Variants in FTO observed in about 807,000 individuals in gnomAD.
FTO encodes alpha-ketoglutarate-dependent dioxygenase FTO.
FTO carries 47 observed loss-of-function variants against 63.9 expected under a neutral mutation model. That is an observed-to-expected ratio of 0.74 (90% CI 0.58 to 0.94). The LOEUF (loss-of-function observed/expected upper bound fraction) is 0.94, where lower values mean the gene tolerates loss of function less well. FTO is among the 40% of genes least tolerant of loss of function. The pLI is 0.00. For synonymous variants in FTO, 207 were observed against 224.4 expected (o/e 0.92, Z 0.69); for missense variants, 562 against 618.1 (o/e 0.91, Z 0.96).
intron 6 of FTO, chr16:53,887,979 GGTGTTTT>G (rs2081045294): frequency 6.6e-6 from 1 of 151,818 alleles, no homozygotes; most frequent in African/African-American, 2.4e-5. Flanking sequence ...AATATATATT[GGTGTTTT>G]GCTTGTAATA....
At chr16:53,781,223 TA>T (rs1219645089) in intron 1 of FTO, among the ~76,000 whole-genome samples, 1 of 152,244 alleles carries the variant, frequency 6.6e-6, no homozygotes, top group African/African-American at 2.4e-5. Flanking sequence ...ACGCAGCTAC[TA>T]AATGCTAGTA....
chr16:53,762,349 G>A (rs991370246), intron 1 of FTO, among the ~76,000 whole-genome samples: 1 of 151,572 alleles, frequency 6.6e-6, no homozygotes, highest in Non-Finnish European at 1.5e-5. Flanking sequence ...CACATATTCT[G>A]TAGTTATGCA....
chr16:53,990,326 T>C (rs150458108), intron 8 of FTO, among the ~76,000 whole-genome samples: 195 of 152,302 alleles, frequency 1.3e-3, no homozygotes, highest in African/African-American at 4.5e-3. Context: ...TTTATCCCCA[T>C]TTTATAGATG....
intron 1 of FTO, among the ~76,000 whole-genome samples, chr16:53,783,636 A>G (rs1350951304): frequency 2.0e-5 from 3 of 147,954 alleles, no homozygotes; most frequent in African/African-American, 7.5e-5. Context: ...AAGTAAAAGA[A>G]AATTAGCCGG....
In FTO at chr16:53,858,660, C is replaced by CT. The variant is rs996931664; in HGVS notation, c.895+14371dup. On this transcript the variant is annotated intron_variant, in intron 4 of 8. Transcript: ENST00000471389. ...ATTGATTTTTGCTTTGCTTTCTTTT[C>CT]TTTTTTTTTCCTTTTTGTGAGACGG... Among the ~76,000 whole-genome samples, 10 of 151,054 alleles carry CT rather than the reference C, an allele frequency of 6.6e-5. No individual in the cohort carries two copies. The East Asian group carries it at 7.8e-4, about 12-fold the overall frequency.
At chr16:53,896,550 T>C (rs535005659) in intron 7 of FTO, among the ~76,000 whole-genome samples, 1 of 152,266 alleles carries the variant, frequency 6.6e-6, no homozygotes, top group African/African-American at 2.4e-5. Context: ...AGAATCTTTT[T>C]CCCCCAAGTT....
chr16:53,784,900 G>GA (rs927213157), intron 1 of FTO, among the ~76,000 whole-genome samples: 16 of 152,070 alleles, frequency 1.1e-4, no homozygotes, highest in Non-Finnish European at 2.1e-4. Flanking sequence ...GTGTATGTGG[G>GA]AGTGCAGAGT....
At chr16:54,107,490 T>C (rs1459574378) in intron 8 of FTO, among the ~76,000 whole-genome samples, 2 of 152,206 alleles carry the variant, frequency 1.3e-5, no homozygotes, top group Non-Finnish European at 2.9e-5. Flanking sequence ...TTGTCCCAAA[T>C]AGAAATACTA....
chr16:53,943,562 T>C (rs74022307), intron 8 of FTO, among the ~76,000 whole-genome samples: 6,298 of 152,296 alleles, frequency 0.041, 259 homozygotes, highest in African/African-American at 0.11. Flanking sequence ...TGAACAGAAC[T>C]GATGACAGTT....
At chr16:53,879,150 C>T in intron 5 of FTO, among the ~76,000 whole-genome samples, 1 of 152,274 alleles carries the variant, frequency 6.6e-6, no homozygotes, top group East Asian at 1.9e-4. Flanking sequence ...AGTTATTCAT[C>T]CAATAATTAT....
intron 2 of FTO, among the ~76,000 whole-genome samples, chr16:53,811,549 G>A (rs1025502646): frequency 3.3e-5 from 5 of 151,990 alleles, no homozygotes; most frequent in Admixed American, 2.0e-4. Flanking sequence ...CCTCTTATAG[G>A]TCTGTCTAGT....
chr16:53,738,434 A>G (rs8059991), intron 1 of FTO, among the ~76,000 whole-genome samples: 61,328 of 152,040 alleles, frequency 0.4, 13,659 homozygotes, highest in Non-Finnish European at 0.51. Context: ...TACTTTATTT[A>G]TTTTTATGGC....
At chr16:54,025,512 C>G (rs1176529469) in intron 8 of FTO, among the ~76,000 whole-genome samples, 2 of 152,016 alleles carry the variant, frequency 1.3e-5, no homozygotes, top group African/African-American at 4.8e-5. Flanking sequence ...CACTTGAGGT[C>G]AGGAGTTCAA....
At chr16:53,923,678 T>C (rs560969082) in intron 7 of FTO, among the ~76,000 whole-genome samples, 1 of 150,576 alleles carries the variant, frequency 6.6e-6, no homozygotes, top group African/African-American at 2.4e-5. Flanking sequence ...TTTCTTTCTT[T>C]CTATTTTTTT....
chr16:53,729,608 T>C (rs1275037151), intron 1 of FTO, among the ~76,000 whole-genome samples: 1 of 152,182 alleles, frequency 6.6e-6, no homozygotes, highest in Non-Finnish European at 1.5e-5. Flanking sequence ...GCTTGCTGTA[T>C]AGGTTCCTGT....
At chr16:54,003,437 T>G (rs75603080) in intron 8 of FTO, among the ~76,000 whole-genome samples, 1 of 152,272 alleles carries the variant, frequency 6.6e-6, no homozygotes. Context: ...TAAGCACATA[T>G]AGAAAGATGA....
chr16:54,073,666 T>G (rs1166626836), intron 8 of FTO, among the ~76,000 whole-genome samples: 3 of 151,816 alleles, frequency 2.0e-5, no homozygotes, highest in African/African-American at 7.3e-5. Flanking sequence ...TGTGTTGTTC[T>G]CAAACTCCTA....
chr16:53,722,938 C>T (rs2076074927), intron 1 of FTO, among the ~76,000 whole-genome samples: 1 of 152,108 alleles, frequency 6.6e-6, no homozygotes, highest in Non-Finnish European at 1.5e-5. Context: ...TTACCTATCA[C>T]TGTGTTTTTT....
At chr16:54,081,770 G>T (rs1286259454) in intron 8 of FTO, among the ~76,000 whole-genome samples, 2 of 152,090 alleles carry the variant, frequency 1.3e-5, no homozygotes, top group Non-Finnish European at 2.9e-5. Flanking sequence ...GAGAGGATGG[G>T]CCATTATTTA....
Sources: gnomAD v4.1 joint callset for allele counts (sites outside exome capture counted in the v4.1 genomes callset) on GRCh38, gnomAD v4.1.1 for gene constraint, MANE v1.5 for transcripts, NCBI Gene and HGNC (gene_info 2026-07-23, HGNC 2026-07-21) for gene names.